Variants in ITGB3 observed in about 807,000 individuals in gnomAD.
ITGB3 encodes the protein integrin subunit beta 3.
A neutral mutation model predicts 85.8 loss-of-function variants in ITGB3; 48 were observed. That is an observed-to-expected ratio of 0.56 (90% CI 0.44 to 0.71). The LOEUF (loss-of-function observed/expected upper bound fraction) is 0.71, where lower values mean the gene tolerates loss of function less well. Among genes scored for constraint, ITGB3 ranks in the 30% least tolerant of loss-of-function variants. The pLI, the probability that ITGB3 is intolerant of heterozygous loss-of-function variation, is 0.00. For synonymous variants in ITGB3, 363 were observed against 395.6 expected (o/e 0.92, Z 0.98); for missense variants, 861 against 1,019.1 (o/e 0.84, Z 2.11).
intron 4 of ITGB3, among the ~76,000 whole-genome samples, chr17:47,285,182 G>C (rs2065098205): frequency 1.3e-5 from 2 of 152,222 alleles, no homozygotes; most frequent in Non-Finnish European, 2.9e-5. Flanking sequence ...TGGATAACTT[G>C]TGCCTCTGTT....
At chr17:47,273,066 C>T (rs1030725470) in intron 1 of ITGB3, among the ~76,000 whole-genome samples, 2 of 152,180 alleles carry the variant, frequency 1.3e-5, no homozygotes, top group East Asian at 3.8e-4. Context: ...TGAGCCACCA[C>T]GCCTGGCCAT....
At chr17:47,262,886 G>A (rs1018176328) in intron 1 of ITGB3, among the ~76,000 whole-genome samples, 6 of 152,162 alleles carry the variant, frequency 3.9e-5, no homozygotes, top group African/African-American at 4.8e-5. Flanking sequence ...TCTTTCATAC[G>A]TGTTATGTCA....
intron 2 of ITGB3, among the ~76,000 whole-genome samples, chr17:47,278,159 C>T (rs1228164983): frequency 6.6e-6 from 1 of 152,138 alleles, no homozygotes; most frequent in Non-Finnish European, 1.5e-5. Flanking sequence ...TTGTCCTCAC[C>T]AGATGAGTTA....
At chr17:47,274,390 G>T (rs2065055439) in intron 1 of ITGB3, 29 bp from the exon 2 acceptor site, 1 of 1,605,674 alleles carries the variant, frequency 6.2e-7, no homozygotes, top group South Asian at 1.1e-5. Flanking sequence ...GCCAAATCTG[G>T]TGCTAATGCC....
At chr17:47,272,056 ATTT>A (rs58156465) in intron 1 of ITGB3, among the ~76,000 whole-genome samples, 6 of 103,272 alleles carry the variant, frequency 5.8e-5, no homozygotes, top group Admixed American at 2.0e-4. Context: ...CACCGGGGCT[ATTT>A]TTTTTTTTTT....
intron 12 of ITGB3, 114 bp from the exon 13 acceptor site, chr17:47,302,607 G>A: frequency 7.8e-6 from 10 of 1,278,024 alleles, no homozygotes; most frequent in South Asian, 5.0e-5. Flanking sequence ...GTGCACATGA[G>A]GCACAGGGTT....
intron 2 of ITGB3, among the ~76,000 whole-genome samples, chr17:47,278,696 G>C (rs1202521296): frequency 6.6e-6 from 1 of 152,204 alleles, no homozygotes; most frequent in Non-Finnish European, 1.5e-5. Flanking sequence ...CACAGCAGGA[G>C]GTCAGCAGCA....
At chr17:47,289,640 A>T (rs370951667) in intron 6 of ITGB3, 41 bp from the exon 7 acceptor site, 63 of 1,391,454 alleles carry the variant, frequency 4.5e-5, no homozygotes, top group Non-Finnish European at 6.1e-5. Context: ...CTAGAGATGT[A>T]CATGAGACGT....
intron 1 of ITGB3, among the ~76,000 whole-genome samples, chr17:47,271,446 C>T (rs1053875487): frequency 1.3e-5 from 2 of 152,066 alleles, no homozygotes; most frequent in African/African-American, 2.4e-5. Context: ...AAAGGAATTT[C>T]AAAGAAGGGA....
chr17:47,299,397 A>G lies in ITGB3; in HGVS notation c.1780A>G (p.Met594Val). The change falls in exon 11 of 15, where the codon ATG (methionine) becomes GTG (valine). Residue 594 changes from methionine (M) to valine (V), a missense_variant. Met to Val is a conservative substitution (Grantham distance 21). Coordinates refer to ENST00000559488, the MANE Select transcript of ITGB3 (RefSeq NM_000212.3). This position sits in a 1 kb window ranked among gnomAD's most constrained non-coding sequence, Gnocchi z 5.1. ...CNCTTRTDTC[M>V]SSNGLLCSGR... ...CTGTACCACGCGTACTGACACCTGC[A>G]TGTCCAGCAATGGGCTGCTGTGCAG... 1 of 1,614,240 alleles carries G rather than the reference A, an allele frequency of 6.2e-7. No homozygotes were observed. The highest frequency in any genetic ancestry group is 2.2e-5 in the East Asian group (1 of 44,886).
chr17:47,295,894 C>T (rs993657069), intron 10 of ITGB3, among the ~76,000 whole-genome samples: 1 of 152,220 alleles, frequency 6.6e-6, no homozygotes, highest in Non-Finnish European at 1.5e-5. Flanking sequence ...CAGGAGCTGT[C>T]TTGCCCCTAG....
intron 3 of ITGB3, among the ~76,000 whole-genome samples, chr17:47,284,079 G>T (rs552799580): frequency 2.6e-4 from 40 of 152,282 alleles, no homozygotes; most frequent in Non-Finnish European, 1.5e-5. Flanking sequence ...TACTATCAAG[G>T]CATGTGTTGG....
At chr17:47,289,599 C>T (rs894924454) in intron 6 of ITGB3, 82 bp from the exon 7 acceptor site, 5 of 1,015,826 alleles carry the variant, frequency 4.9e-6, no homozygotes, top group African/African-American at 1.6e-5. Context: ...TGAGCCACAG[C>T]CCAAGCAAGA....
At chr17:47,303,077 G>A (rs1250474363) in intron 13 of ITGB3, among the ~76,000 whole-genome samples, 3 of 152,108 alleles carry the variant, frequency 2.0e-5, no homozygotes, top group Non-Finnish European at 4.4e-5. Flanking sequence ...GTGAAACCCT[G>A]TCTCTACTAA....
intron 12 of ITGB3, 58 bp downstream of exon 12, chr17:47,300,636 A>G (rs2065164048): frequency 7.7e-7 from 1 of 1,298,324 alleles, no homozygotes; most frequent in Non-Finnish European, 1.1e-6. Flanking sequence ...TTCTAATTCA[A>G]TCCCAGAACC....
rs969316696 is a variant in ITGB3, at chr17:47,280,828, G to A, written c.166-2526G>A. ...CCCTACCTGGGGCATTCTCTGTTGT[G>A]GCTCCTCCCTAGGACCATTCCTTCC... On this transcript the variant is annotated intron_variant, in intron 2 of 14. Coordinates refer to ENST00000559488, the MANE Select transcript of ITGB3 (RefSeq NM_000212.3). Among the ~76,000 whole-genome samples, 10 of 152,256 alleles carry A rather than the reference G, an allele frequency of 6.6e-5. No individual in the cohort carries two copies. In the East Asian group the frequency reaches 1.7e-3, roughly 26 times the overall value.
rs13306482 is a variant in ITGB3, at chr17:47,290,749, A to G, written c.1126-205A>G. On this transcript the variant is annotated intron_variant, in intron 8 of 14. Coordinates refer to ENST00000559488, the MANE Select transcript of ITGB3 (RefSeq NM_000212.3). ...CCCAGACTCACCTAGACGCAAGTGG[A>G]GATGGAAAGAGGGAGCAGGTTCCTG... Among the ~76,000 whole-genome samples, 583 of 152,184 alleles carry G rather than the reference A, an allele frequency of 3.8e-3. 17 individuals carry two copies. The East Asian group carries it at 0.056, about 15-fold the overall frequency.
At chr17:47,283,690 G>A (rs2065092286) in intron 3 of ITGB3, 141 bp downstream of exon 3, 3 of 789,302 alleles carry the variant, frequency 3.8e-6, no homozygotes, top group East Asian at 2.7e-5. Flanking sequence ...GGAGGTGTGG[G>A]CAAGAGAATG....
At chr17:47,292,822 A>G (rs773768070) in intron 10 of ITGB3, among the ~76,000 whole-genome samples, 19 of 152,242 alleles carry the variant, frequency 1.2e-4, no homozygotes, top group Non-Finnish European at 2.6e-4. Flanking sequence ...AAGGTTAGTA[A>G]TAATTTTACA....
Sources: gnomAD v4.1 joint callset for allele counts (sites outside exome capture counted in the v4.1 genomes callset) on GRCh38, gnomAD v4.1.1 for gene constraint, Gnocchi (gnomAD v3.1) non-coding constraint, MANE v1.5 for transcripts, NCBI Gene and HGNC (gene_info 2026-07-23, HGNC 2026-07-21) for gene names.